SHB: variants seen among roughly 807,000 people sequenced by gnomAD.
SHB encodes the protein SH2 domain-containing adapter protein B.
A neutral mutation model predicts 52.3 loss-of-function variants in SHB; 20 were observed. That is an observed-to-expected ratio of 0.38 (90% CI 0.27 to 0.56). The LOEUF (loss-of-function observed/expected upper bound fraction) is 0.56. SHB is among the 20% of genes least tolerant of loss of function. The pLI, the probability that SHB is intolerant of heterozygous loss-of-function variation, is 0.71. For missense variants in SHB, 825 were observed against 723.3 expected (o/e 1.14, Z -1.61); for synonymous variants, 397 against 316.5 (o/e 1.25, Z -2.70).
At chr9:38,040,027 G>C (rs1363631601) in intron 1 of SHB, among the ~76,000 whole-genome samples, 1 of 152,248 alleles carries the variant, frequency 6.6e-6, no homozygotes, top group Non-Finnish European at 1.5e-5. Context: ...TAATTCTTGT[G>C]GTGATTGTTT....
At chr9:38,056,912 C>T (rs1370979828) in intron 1 of SHB, among the ~76,000 whole-genome samples, 2 of 152,222 alleles carry the variant, frequency 1.3e-5, no homozygotes, top group South Asian at 2.1e-4. Context: ...GGTCAACACA[C>T]ATTTGCACCA....
rs549514968 is a variant in SHB at position 38,055,823 on chromosome 9, C to G, written c.717+12106G>C. Among the ~76,000 whole-genome samples the G allele has an allele frequency of 9.2e-5, 14 of 152,276 alleles. No homozygotes were observed. The South Asian group carries it at 2.1e-3, about 23-fold the overall frequency. ...GCTCAAGCCACATGGGCAGGGCAGACCACCGTGATTGCCTCAAATACACCT... is the reference window on the plus strand; with the variant it reads ...GCTCAAGCCACATGGGCAGGGCAGAGCACCGTGATTGCCTCAAATACACCT... On this transcript the variant is annotated intron_variant, in intron 1 of 5. Coordinates refer to ENST00000377707, the MANE Select transcript of SHB (RefSeq NM_003028.3).
At chr9:37,948,023 T>C (rs1373353472) in intron 5 of SHB, among the ~76,000 whole-genome samples, 3 of 152,244 alleles carry the variant, frequency 2.0e-5, no homozygotes, top group Admixed American at 6.5e-5. Flanking sequence ...GGCCTGCCCA[T>C]CCTGACAGAA....
chr9:37,947,231 T>C (rs1290289069), intron 5 of SHB, among the ~76,000 whole-genome samples: 1 of 152,244 alleles, frequency 6.6e-6, no homozygotes, highest in East Asian at 1.9e-4. Flanking sequence ...TTGAGTGCCC[T>C]ACCCGCTAGG....
At chr9:38,067,831 G>A (rs987502400) in intron 1 of SHB, 98 bp downstream of exon 1, 7 of 1,278,590 alleles carry the variant, frequency 5.5e-6, no homozygotes, top group Admixed American at 3.8e-5. Flanking sequence ...CTAGGCCGAA[G>A]CTGAAGTAGA....
At chr9:37,942,876 G>A (rs1039910831) in intron 5 of SHB, among the ~76,000 whole-genome samples, 2 of 152,156 alleles carry the variant, frequency 1.3e-5, no homozygotes, top group South Asian at 2.1e-4. Context: ...CAGTTCACGT[G>A]GCATGTGTAG....
chr9:37,952,804 G>A (rs1156930364), intron 4 of SHB, among the ~76,000 whole-genome samples: 1 of 152,054 alleles, frequency 6.6e-6, no homozygotes, highest in Admixed American at 6.6e-5. Flanking sequence ...TGCGGAAGCT[G>A]GGGGAGGGGC....
At chr9:38,035,670 T>C (rs778829989) in intron 1 of SHB, among the ~76,000 whole-genome samples, 1 of 152,082 alleles carries the variant, frequency 6.6e-6, no homozygotes, top group Admixed American at 6.5e-5. Context: ...CTACCTTCCA[T>C]GAGTGGATAA....
At chr9:37,940,994 C>A (rs1203536064) in intron 5 of SHB, among the ~76,000 whole-genome samples, 5 of 152,162 alleles carry the variant, frequency 3.3e-5, no homozygotes, top group Admixed American at 2.6e-4. Context: ...CAAGGTCACA[C>A]CAAAGCACAA....
chr9:37,949,838 G>A (rs1336761022), intron 4 of SHB, among the ~76,000 whole-genome samples: 1 of 152,258 alleles, frequency 6.6e-6, no homozygotes, highest in African/African-American at 2.4e-5. Context: ...TGCCATGCAT[G>A]CCAGAGGAGG....
chr9:38,013,127 C>T (rs1233647539), intron 2 of SHB, among the ~76,000 whole-genome samples: 1 of 152,076 alleles, frequency 6.6e-6, no homozygotes, highest in African/African-American at 2.4e-5. Context: ...CTTTTAATAA[C>T]CTATATTCTT....
At chr9:38,046,466 C>T (rs933137151) in intron 1 of SHB, among the ~76,000 whole-genome samples, 6 of 151,620 alleles carry the variant, frequency 4.0e-5, no homozygotes, top group African/African-American at 7.2e-5. Flanking sequence ...TACTGATGCT[C>T]GAAGCCCCCC....
rs1430723002 is a variant in SHB at position 38,051,769 on chromosome 9, A to G, written c.717+16160T>C. Among the ~76,000 whole-genome samples the G allele has an allele frequency of 3.3e-5, 5 of 152,220 alleles. No homozygotes were observed. In the East Asian group the frequency reaches 9.6e-4, roughly 29 times the overall value. On this transcript the variant is annotated intron_variant, in intron 1 of 5. Transcript: ENST00000377707. ...CAAAGCGTTTCTTCTGAGCCTGTAA[A>G]GCGAGCTCTGCCGGTCAGAGTGGCC...
intron 2 of SHB, among the ~76,000 whole-genome samples, chr9:38,007,199 C>T (rs1821084900): frequency 6.6e-6 from 1 of 152,256 alleles, no homozygotes; most frequent in Non-Finnish European, 1.5e-5. Context: ...GGCCCTGTGA[C>T]TTCAAGCAAG....
At chr9:37,954,643 C>T (rs1258906903) in intron 4 of SHB, among the ~76,000 whole-genome samples, 2 of 152,328 alleles carry the variant, frequency 1.3e-5, no homozygotes, top group Admixed American at 6.5e-5. Context: ...GCAGACAAGA[C>T]ACCTGAGGAC....
chr9:37,938,807 G>A (rs1023962818), intron 5 of SHB, among the ~76,000 whole-genome samples: 2 of 152,236 alleles, frequency 1.3e-5, no homozygotes, highest in Non-Finnish European at 2.9e-5. Context: ...TGGCACTGCC[G>A]GGTTGGGGGG....
At chr9:38,061,204 T>C (rs1564113434) in intron 1 of SHB, among the ~76,000 whole-genome samples, 1 of 151,306 alleles carries the variant, frequency 6.6e-6, no homozygotes, top group East Asian at 1.9e-4. Flanking sequence ...CCCAGCTACT[T>C]GAGAGGCTGA....
At chr9:38,027,090 G>A (rs567078856) in intron 1 of SHB, among the ~76,000 whole-genome samples, 11 of 152,308 alleles carry the variant, frequency 7.2e-5, no homozygotes, top group Non-Finnish European at 1.2e-4. Flanking sequence ...GTCTGCTTCC[G>A]CTCCACCAGG....
Position 37,916,318 on chromosome 9 carries a change from C to T in SHB, c.*3503G>A, listed in dbSNP as rs1832097786. On this transcript the variant is annotated 3_prime_UTR_variant, in exon 6 of 6. Transcript: ENST00000377707. ...GGCCAACACCAAACGCCAGCCTGCT[C>T]TGCTGGCAGGGCTTCTACCTGCACA... Among the ~76,000 whole-genome samples the T allele has an allele frequency of 1.3e-5, 2 of 152,278 alleles. No homozygotes were observed. Among genetic ancestry groups the T allele is most frequent in the Non-Finnish European group, 2.9e-5 (2 of 68,046 alleles).
Sources: allele counts gnomAD v4.1 joint callset (sites outside exome capture counted in the v4.1 genomes callset), GRCh38; gene constraint gnomAD v4.1.1; transcripts MANE v1.5; gene names NCBI Gene and HGNC (gene_info 2026-07-23, HGNC 2026-07-21).